B3GAT2: variants seen among roughly 807,000 people sequenced by gnomAD.
B3GAT2 encodes the protein beta-1,3-glucuronyltransferase 2, also known as galactosylgalactosylxylosylprotein 3-beta-glucuronosyltransferase 2.
In B3GAT2, 26 loss-of-function variants were observed where a neutral mutation model predicts 27.8. That is an observed-to-expected ratio of 0.93 (90% confidence interval 0.68 to 1.30). B3GAT2 has a LOEUF of 1.30. Ranked by LOEUF, B3GAT2 falls within the 50% of genes most tolerant of loss-of-function variation. The pLI, the probability that B3GAT2 is intolerant of heterozygous loss-of-function variation, is 0.00. For missense variants in B3GAT2, 458 were observed against 459.0 expected (o/e 1.00, Z 0.02); for synonymous variants, 218 against 195.1 (o/e 1.12, Z -0.98).
At chr6:70,919,128 G>A (rs1772825174) in intron 1 of B3GAT2, among the ~76,000 whole-genome samples, 1 of 152,026 alleles carries the variant, frequency 6.6e-6, no homozygotes, top group African/African-American at 2.4e-5. Flanking sequence ...TTGTCTTCTT[G>A]CTTTATTTCA....
chr6:70,881,695 T>C (rs1002548933), intron 2 of B3GAT2, among the ~76,000 whole-genome samples: 2 of 152,134 alleles, frequency 1.3e-5, no homozygotes, highest in Non-Finnish European at 2.9e-5. Flanking sequence ...GGGCATTCTC[T>C]GCCATGCGAG....
rs184505722 is a variant in B3GAT2, at chr6:70,861,490, T to C, written c.*173A>G. ...ATACATTTTGTACCAACCATCCAAT[T>C]AGCTTATGTTAACTGACAAGCTCCA... On this transcript the variant is annotated 3_prime_UTR_variant, in exon 4 of 4. Coordinates refer to ENST00000230053, the MANE Select transcript of B3GAT2 (RefSeq NM_080742.3). 1.8e-4 allele frequency: 107 copies of C among 606,420 alleles called. No individual in the cohort carries two copies. Among genetic ancestry groups the C allele is most frequent in the Non-Finnish European group, 1.3e-4 (43 of 340,630 alleles). The allele number at this position is 606,420 out of a possible 1,614,324, so 37.6% of individuals were successfully genotyped here. A position where few individuals can be genotyped will look rare whatever the true frequency, so the allele number is the denominator to read the frequency against.
Position 70,859,540 on chromosome 6 carries a change from CTGAG to C in B3GAT2, c.*2119_*2122del, listed in dbSNP as rs1447514119. ...ATTAAATTAAGAACACAGTCTAACT[CTGAG>C]TGTAAGTTTTAAACCCACTCACTAT... is the stretch of plus-strand genomic sequence containing the variant. On this transcript the variant is annotated 3_prime_UTR_variant, in exon 4 of 4. Transcript: ENST00000230053. The C allele has an allele frequency of 1.3e-5, 8 of 620,490 alleles. No individual in the cohort carries two copies. The African/African-American group carries it at 1.3e-4, about 10-fold the overall frequency. The allele number at this position is 620,490 out of a possible 1,614,324, so 38.4% of individuals were successfully genotyped here.
At chr6:70,928,657 A>T (rs1046082688) in intron 1 of B3GAT2, among the ~76,000 whole-genome samples, 2 of 152,246 alleles carry the variant, frequency 1.3e-5, no homozygotes, top group East Asian at 3.8e-4. Context: ...ATCCCTGAAT[A>T]GACCAATAAC....
chr6:70,956,224 G>A lies in B3GAT2; in HGVS notation c.206C>T (p.Ser69Phe). 1 of 1,612,568 alleles carries A rather than the reference G, an allele frequency of 6.2e-7. No homozygotes were observed. Among genetic ancestry groups the A allele is most frequent in the Non-Finnish European group, 8.5e-7 (1 of 1,179,256 alleles). The change falls in exon 1 of 4, where the codon TCT (serine) becomes TTT (phenylalanine). Residue 69 changes from serine (S) to phenylalanine (F), a missense_variant. Physicochemically the swap from Ser to Phe is radical, Grantham distance 155 (BLOSUM62 -2). Coordinates refer to ENST00000230053, the MANE Select transcript of B3GAT2 (RefSeq NM_080742.3). ...PAHGTQKRNQ[S>F]RPQPQPEPQL... ...CGGCTCCGGCTGTGGCTGCGGCCGAGACTGGTTGCGCTTTTGGGTCCCGTG... is the reference window on the plus strand; with the variant it reads ...CGGCTCCGGCTGTGGCTGCGGCCGAAACTGGTTGCGCTTTTGGGTCCCGTG...
chr6:70,917,901 T>C (rs1337591622), intron 1 of B3GAT2, among the ~76,000 whole-genome samples: 3 of 152,220 alleles, frequency 2.0e-5, no homozygotes, highest in Non-Finnish European at 4.4e-5. Flanking sequence ...GTTCTGTAGA[T>C]GTCTATTAGT....
chr6:70,944,440 C>T (rs1489268089), intron 1 of B3GAT2, among the ~76,000 whole-genome samples: 2 of 47,648 alleles, frequency 4.2e-5, no homozygotes, highest in Non-Finnish European at 8.9e-5. Flanking sequence ...ACATGGCGCC[C>T]ACGGAGTCTC....
intron 1 of B3GAT2, among the ~76,000 whole-genome samples, chr6:70,948,996 T>G (rs1484239513): frequency 6.6e-6 from 1 of 152,210 alleles, no homozygotes; most frequent in Non-Finnish European, 1.5e-5. Flanking sequence ...TTGGGAAAAC[T>G]GGCTAGCCAT....
intron 1 of B3GAT2, among the ~76,000 whole-genome samples, chr6:70,935,405 G>A (rs1411036277): frequency 6.6e-6 from 1 of 152,068 alleles, no homozygotes; most frequent in Non-Finnish European, 1.5e-5. Context: ...AGTAAGCTGT[G>A]ATCGCACCAC....
At chr6:70,914,578 T>C (rs1329701478) in intron 1 of B3GAT2, among the ~76,000 whole-genome samples, 2 of 152,198 alleles carry the variant, frequency 1.3e-5, no homozygotes, top group Admixed American at 6.5e-5. Flanking sequence ...AAAGCATTGA[T>C]TGTAGATTTT....
intron 2 of B3GAT2, among the ~76,000 whole-genome samples, chr6:70,875,004 TAAA>T (rs879737909): frequency 4.2e-5 from 6 of 144,060 alleles, no homozygotes; most frequent in Non-Finnish European, 3.1e-5. Context: ...TAGCCTTTTT[TAAA>T]AAAAAAAAAA....
chr6:70,911,376 G>T (rs759173827), intron 1 of B3GAT2, among the ~76,000 whole-genome samples: 27 of 152,002 alleles, frequency 1.8e-4, no homozygotes, highest in African/African-American at 6.5e-4. Flanking sequence ...TATGGGTAGC[G>T]ATCCATCCCG....
chr6:70,893,137 T>C (rs1772319379), intron 2 of B3GAT2, among the ~76,000 whole-genome samples: 13 of 152,198 alleles, frequency 8.5e-5, no homozygotes. Context: ...GCTGTGCCCC[T>C]CAGATGACTC....
intron 2 of B3GAT2, among the ~76,000 whole-genome samples, chr6:70,868,997 G>C (rs1051950167): frequency 6.6e-6 from 1 of 152,140 alleles, no homozygotes; most frequent in African/African-American, 2.4e-5. Context: ...GTATGATTAA[G>C]GGCGGTTTTA....
chr6:70,883,892 T>A (rs748919374), intron 2 of B3GAT2, among the ~76,000 whole-genome samples: 3 of 151,832 alleles, frequency 2.0e-5, no homozygotes, highest in Non-Finnish European at 4.4e-5. Context: ...GAAGACGTAT[T>A]TTCTATGGAA....
In B3GAT2 at chr6:70,858,849, A is replaced by T. The variant is rs922190271; in HGVS notation, c.*2814T>A. 1.3e-5 allele frequency: 2 copies of T among 152,864 alleles called. No individual in the cohort carries two copies. Among genetic ancestry groups the T allele is most frequent in the African/African-American group, 4.8e-5 (2 of 41,464 alleles). 9.5% of individuals were successfully genotyped at this position (152,864 alleles called of 1,614,324 possible). ...TTTAAAAAGAGTACAAAAAGATTCA[A>T]TTCCCATAAGGTGTGAACCAGACAT... is the stretch of plus-strand genomic sequence containing the variant. On this transcript the variant is annotated 3_prime_UTR_variant, in exon 4 of 4. Coordinates refer to ENST00000230053, the MANE Select transcript of B3GAT2 (RefSeq NM_080742.3).
chr6:70,942,376 T>A (rs530162946), intron 1 of B3GAT2, among the ~76,000 whole-genome samples: 1 of 152,258 alleles, frequency 6.6e-6, no homozygotes, highest in East Asian at 1.9e-4. Context: ...CCACCCAGCC[T>A]CTTGCCATCA....
chr6:70,950,007 G>C (rs1349698644), intron 1 of B3GAT2, among the ~76,000 whole-genome samples: 1 of 140,050 alleles, frequency 7.1e-6, no homozygotes, highest in Non-Finnish European at 1.5e-5. Context: ...TGAACAATGA[G>C]AACACATGGA....
Position 70,956,910 on chromosome 6 carries a change from G to C in B3GAT2, c.-481C>G, listed in dbSNP as rs1765667656. The C allele has an allele frequency of 9.8e-7, 1 of 1,021,608 alleles. No individual in the cohort carries two copies. Among genetic ancestry groups the C allele is most frequent in the African/African-American group, 1.7e-5 (1 of 57,440 alleles). 63.3% of individuals were successfully genotyped at this position (1,021,608 alleles called of 1,614,324 possible). The stretch of plus-strand genomic sequence containing the variant: ...GCCTTCGAGGGCGGGCGGCGGCGCT[G>C]GGGGCTTTCCTTCCTCACATTCCCG... On this transcript the variant is annotated 5_prime_UTR_variant, in exon 1 of 4. Coordinates refer to ENST00000230053, the MANE Select transcript of B3GAT2 (RefSeq NM_080742.3).
Sources: gnomAD v4.1 joint callset for allele counts (sites outside exome capture counted in the v4.1 genomes callset) on GRCh38, gnomAD v4.1.1 for gene constraint, MANE v1.5 for transcripts, NCBI Gene and HGNC (gene_info 2026-07-23, HGNC 2026-07-21) for gene names.